Variants in COL25A1 observed in about 807,000 individuals in gnomAD.
COL25A1 encodes collagen type XXV alpha 1 chain.
In COL25A1, 103 loss-of-function variants were observed where a neutral mutation model predicts 128.4. The ratio of observed to expected loss-of-function variants is 0.80; its 90% CI spans 0.68 to 0.94. COL25A1 has a LOEUF of 0.94. Ranked by LOEUF, COL25A1 falls within the 40% of genes least tolerant of loss-of-function variation. The pLI, the probability that COL25A1 is intolerant of heterozygous loss-of-function variation, is 0.00. For missense variants in COL25A1, 745 were observed against 840.0 expected (o/e 0.89, Z 1.40); for synonymous variants, 279 against 277.2 (o/e 1.01, Z -0.06).
intron 3 of COL25A1, among the ~76,000 whole-genome samples, chr4:109,108,267 G>A (rs1339093107): frequency 2.6e-5 from 4 of 152,130 alleles, no homozygotes; most frequent in Non-Finnish European, 5.9e-5. Context: ...ACCTATGAGT[G>A]AGAATATGCG....
intron 6 of COL25A1, among the ~76,000 whole-genome samples, chr4:108,987,765 T>A (rs1396231843): frequency 6.6e-6 from 1 of 151,918 alleles, no homozygotes; most frequent in Admixed American, 6.6e-5. Context: ...GACTTTTGAG[T>A]TTCTGGAAGA....
intron 19 of COL25A1, 61 bp downstream of exon 19, chr4:108,884,117 A>G: frequency 6.5e-7 from 1 of 1,533,700 alleles, no homozygotes; most frequent in Non-Finnish European, 9.0e-7. Context: ...ATTTTCCTCC[A>G]ATTTGGGTGA....
chr4:109,046,288 G>A (rs1760423065), intron 5 of COL25A1, among the ~76,000 whole-genome samples: 1 of 152,146 alleles, frequency 6.6e-6, no homozygotes, highest in African/African-American at 2.4e-5. Context: ...TATGTAATAA[G>A]AAAAGGAGGA....
intron 3 of COL25A1, among the ~76,000 whole-genome samples, chr4:109,179,979 T>C (rs1251135581): frequency 6.6e-6 from 1 of 152,220 alleles, no homozygotes; most frequent in African/African-American, 2.4e-5. Flanking sequence ...CTCAGTGCAG[T>C]AAGCACCATG....
At chr4:109,038,918 A>G (rs1255140038) in intron 5 of COL25A1, among the ~76,000 whole-genome samples, 1 of 152,132 alleles carries the variant, frequency 6.6e-6, no homozygotes, top group Non-Finnish European at 1.5e-5. Flanking sequence ...TGAAGCCCTC[A>G]GCATCAACCC....
chr4:108,947,213 G>A (rs1360912171), intron 8 of COL25A1, among the ~76,000 whole-genome samples: 1 of 152,124 alleles, frequency 6.6e-6, no homozygotes, highest in East Asian at 1.9e-4. Flanking sequence ...GGAGGCTGAG[G>A]CGGGCAGATC....
chr4:108,824,423 G>T (rs1732132619), intron 34 of COL25A1, among the ~76,000 whole-genome samples, 196 bp from the exon 35 acceptor site: 2 of 152,114 alleles, frequency 1.3e-5, no homozygotes, highest in Non-Finnish European at 2.9e-5. Context: ...TACACAACAG[G>T]TTTCTTGCTT....
intron 11 of COL25A1, among the ~76,000 whole-genome samples, chr4:108,934,034 C>T (rs1189421014): frequency 5.3e-5 from 8 of 152,102 alleles, no homozygotes; most frequent in Non-Finnish European, 1.0e-4. Context: ...CACATACACA[C>T]GTATATTTAT....
intron 11 of COL25A1, among the ~76,000 whole-genome samples, chr4:108,936,374 C>T (rs764693843): frequency 2.6e-5 from 4 of 152,134 alleles, no homozygotes; most frequent in Non-Finnish European, 5.9e-5. Flanking sequence ...CAAGACCATC[C>T]TGGCCAACAT....
At chr4:108,988,709 G>C (rs944681132) in intron 6 of COL25A1, among the ~76,000 whole-genome samples, 1 of 152,108 alleles carries the variant, frequency 6.6e-6, no homozygotes, top group African/African-American at 2.4e-5. Flanking sequence ...CATGGCAAAT[G>C]CTGCACTGAA....
intron 24 of COL25A1, among the ~76,000 whole-genome samples, chr4:108,855,260 GA>G (rs1330629831): frequency 1.4e-5 from 2 of 142,330 alleles, no homozygotes; most frequent in Non-Finnish European, 1.5e-5. Context: ...AAGGTTATAA[GA>G]AAAAAATAAG....
rs532278400 is a variant in COL25A1 at position 108,905,853 on chromosome 4, G to C, written c.781-4681C>G. ...CTGCCAAGCTGGAGCAGTATGTCGG[G>C]GGGGGGTGCGGGGGGAGGCGTGGAG... is the stretch of plus-strand genomic sequence containing the variant. On this transcript the variant is annotated intron_variant, in intron 13 of 37. Coordinates refer to ENST00000399132, the MANE Select transcript of COL25A1 (RefSeq NM_198721.4). Among the ~76,000 whole-genome samples, 93 of 151,580 alleles carry C rather than the reference G, an allele frequency of 6.1e-4. 1 individual carries two copies. The Middle Eastern group carries it at 0.01, about 17-fold the overall frequency.
chr4:109,255,162 G>A (rs932900627), intron 3 of COL25A1, among the ~76,000 whole-genome samples: 4 of 151,976 alleles, frequency 2.6e-5, no homozygotes, highest in Non-Finnish European at 5.9e-5. Flanking sequence ...CTGCCACTGG[G>A]GACAATATGA....
chr4:109,097,695 G>A (rs1006436271), intron 3 of COL25A1, among the ~76,000 whole-genome samples: 1 of 118,578 alleles, frequency 8.4e-6, no homozygotes, highest in Non-Finnish European at 1.7e-5. Context: ...ACAGAGTCTT[G>A]CACTGTCGCC....
intron 36 of COL25A1, 135 bp from the exon 37 acceptor site, chr4:108,817,570 G>T: frequency 1.5e-6 from 1 of 653,526 alleles, no homozygotes. Context: ...TTACTAATTA[G>T]CAACTCCCGA....
intron 6 of COL25A1, among the ~76,000 whole-genome samples, chr4:109,009,184 G>A (rs1252818804): frequency 1.3e-5 from 2 of 152,164 alleles, no homozygotes; most frequent in African/African-American, 4.8e-5. Flanking sequence ...CTTTTACTTT[G>A]TCTTCATTCC....
At position 109,000,441 on chromosome 4, in the gene COL25A1, A is replaced by G. The variant is rs185266748; in HGVS notation, c.438+9917T>C. On this transcript the variant is annotated intron_variant, in intron 6 of 37. Transcript: ENST00000399132. Reference sequence around the variant, plus strand: ...CCAAAGTCCATGCCCCTCTATTTTAATTGTAAAGTGTTATATAAAAAGTGC... The same window carrying G: ...CCAAAGTCCATGCCCCTCTATTTTAGTTGTAAAGTGTTATATAAAAAGTGC... Among the ~76,000 whole-genome samples, 296 of 152,214 alleles carry G rather than the reference A, an allele frequency of 1.9e-3. 3 individuals carry two copies. Among genetic ancestry groups the G allele is most frequent in the Middle Eastern group, 6.8e-3 (2 of 294 alleles).
intron 3 of COL25A1, among the ~76,000 whole-genome samples, chr4:109,156,573 G>A (rs1772054503): frequency 6.6e-6 from 1 of 152,140 alleles, no homozygotes; most frequent in African/African-American, 2.4e-5. Context: ...TCTACACGAT[G>A]TTGCTATTGC....
intron 3 of COL25A1, among the ~76,000 whole-genome samples, chr4:109,300,360 A>C (rs540951668): frequency 6.6e-6 from 1 of 152,242 alleles, no homozygotes; most frequent in Non-Finnish European, 1.5e-5. Flanking sequence ...TTCTTTGGTG[A>C]TTATATCCTT....
Sources: gnomAD v4.1 joint callset for allele counts (sites outside exome capture counted in the v4.1 genomes callset) on GRCh38, gnomAD v4.1.1 for gene constraint, MANE v1.5 for transcripts, NCBI Gene and HGNC (gene_info 2026-07-23, HGNC 2026-07-21) for gene names.